The following XPO6 variants were observed in gnomAD, a reference collection of about 807,000 sequenced individuals.
XPO6 encodes the protein exportin 6.
In XPO6, 3 loss-of-function variants were observed where a neutral mutation model predicts 130.0. The ratio of observed to expected loss-of-function variants is 0.02; its 90% CI spans 0.01 to 0.06. The LOEUF (loss-of-function observed/expected upper bound fraction) is 0.06, where lower values mean the gene tolerates loss of function less well. Ranked by LOEUF, XPO6 falls within the 10% of genes least tolerant of loss-of-function variation. The pLI, the probability that XPO6 is intolerant of heterozygous loss-of-function variation, is 1.00. For missense variants in XPO6, 970 were observed against 1,393.0 expected (o/e 0.70, Z 4.83); for synonymous variants, 524 against 548.9 (o/e 0.95, Z 0.63).
intron 18 of XPO6, 22 bp downstream of exon 18, chr16:28,107,500 G>C: frequency 8.1e-6 from 13 of 1,613,416 alleles, no homozygotes; most frequent in Non-Finnish European, 1.1e-5. Flanking sequence ...CCCACCAGTG[G>C]GGCCTCTGGG....
intron 4 of XPO6, among the ~76,000 whole-genome samples, chr16:28,174,167 C>T (rs1037644897): frequency 6.6e-6 from 1 of 152,074 alleles, no homozygotes; most frequent in African/African-American, 2.4e-5. Context: ...CACCTCGTGT[C>T]CCCCCAGTCC....
chr16:28,201,836 C>T (rs933702130), intron 1 of XPO6, among the ~76,000 whole-genome samples: 3 of 152,172 alleles, frequency 2.0e-5, no homozygotes, highest in African/African-American at 7.2e-5. Context: ...GCCTGGGCGA[C>T]AAAGCGAGAC....
intron 6 of XPO6, among the ~76,000 whole-genome samples, chr16:28,158,247 G>A (rs1465886211): frequency 1.3e-5 from 2 of 152,154 alleles, no homozygotes; most frequent in Non-Finnish European, 2.9e-5. Flanking sequence ...ACGGGGAAGG[G>A]AGTCCACAAA....
chr16:28,211,478 T>A lies in XPO6; in HGVS notation c.-110A>T. ...GCAGACTCGGGAAGTCCCCCACCCA[T>A]GCAAAGACAACCCCTTCCCCACCGG... On this transcript the variant is annotated 5_prime_UTR_variant, in exon 1 of 24. The change abolishes an upstream ATG in the 5' untranslated region. Transcript: ENST00000304658. The A allele has an allele frequency of 8.1e-7, 1 of 1,229,936 alleles. No individual in the cohort carries two copies. The allele number at this position is 1,229,936 out of a possible 1,614,324, so 76.2% of individuals were successfully genotyped here. A position where few individuals can be genotyped will look rare whatever the true frequency, so the allele number is the denominator to read the frequency against.
rs962396363 is a variant in XPO6, at chr16:28,211,932, C to A, written c.-564G>T. On this transcript the variant is annotated 5_prime_UTR_variant, in exon 1 of 24. Coordinates refer to ENST00000304658, the MANE Select transcript of XPO6 (RefSeq NM_015171.4). ...GAGCCGCCCGCTAGTACCGCGCGGC[C>A]GCCCCCGACCAACAGCCCCAACGCG... 6.6e-6 allele frequency: 1 copy of A among 152,640 alleles called. No individual in the cohort carries two copies. The highest frequency in any genetic ancestry group is 2.4e-5 in the African/African-American group (1 of 41,452). The allele number at this position is 152,640 out of a possible 1,614,324, so 9.5% of individuals were successfully genotyped here. A position where few individuals can be genotyped will look rare whatever the true frequency, so the allele number is the denominator to read the frequency against.
At chr16:28,150,416 A>C (rs1026635989) in intron 8 of XPO6, among the ~76,000 whole-genome samples, 2 of 152,152 alleles carry the variant, frequency 1.3e-5, no homozygotes, top group Non-Finnish European at 2.9e-5. Flanking sequence ...CTACTGAAAG[A>C]ATCATAAAAA....
chr16:28,106,589 A>G lies in XPO6; in HGVS notation c.2498-92T>C. ...TCAACCTACTCCTGAAATCTGCACT[A>G]TCAGCTTTCTCTACAGCTTCCTGCT... On this transcript the variant is annotated intron_variant, in intron 18 of 23. Coordinates refer to ENST00000304658, the MANE Select transcript of XPO6 (RefSeq NM_015171.4). This position sits in a 1 kb window ranked among gnomAD's most constrained non-coding sequence, Gnocchi z 4.2. 2 of 963,452 alleles carry G rather than the reference A, an allele frequency of 2.1e-6. No individual in the cohort carries two copies. The highest frequency in any genetic ancestry group is 1.4e-5 in the South Asian group (1 of 73,934). The allele number at this position is 963,452 out of a possible 1,614,324, so 59.7% of individuals were successfully genotyped here. A position where few individuals can be genotyped will look rare whatever the true frequency, so the allele number is the denominator to read the frequency against.
chr16:28,124,202 C>T (rs1263056006), intron 13 of XPO6, among the ~76,000 whole-genome samples: 9 of 151,972 alleles, frequency 5.9e-5, no homozygotes. Context: ...GGATTACAGG[C>T]GCATGTCCCC....
chr16:28,211,546 G>A lies in XPO6; in HGVS notation c.-178C>T. Reference sequence around the variant, plus strand: ...TAAAAAGGGCAGGGCCGCCCGGGTCGCCTCATCGGGGGACCCCGAGACAAT... The same window carrying A: ...TAAAAAGGGCAGGGCCGCCCGGGTCACCTCATCGGGGGACCCCGAGACAAT... On this transcript the variant is annotated 5_prime_UTR_variant, in exon 1 of 24. It introduces an in-frame stop codon into an upstream open reading frame of the 5' UTR. Coordinates refer to ENST00000304658, the MANE Select transcript of XPO6 (RefSeq NM_015171.4). The A allele has an allele frequency of 5.4e-6, 3 of 557,352 alleles. No homozygotes were observed. The highest frequency in any genetic ancestry group is 8.4e-6 in the Non-Finnish European group (3 of 358,586). The allele number at this position is 557,352 out of a possible 1,614,324, so 34.5% of individuals were successfully genotyped here.
intron 1 of XPO6, among the ~76,000 whole-genome samples, chr16:28,193,591 G>A (rs898304493): frequency 6.6e-6 from 1 of 152,200 alleles, no homozygotes; most frequent in Admixed American, 6.5e-5. Flanking sequence ...GCAAAACAGT[G>A]GTAGTGGTGA....
At chr16:28,180,403 T>C (rs959932882) in intron 2 of XPO6, among the ~76,000 whole-genome samples, 2 of 152,104 alleles carry the variant, frequency 1.3e-5, no homozygotes, top group African/African-American at 4.8e-5. Context: ...GACAGGATCT[T>C]ACATTGCCCA....
chr16:28,110,568 C>A (rs2285619), intron 17 of XPO6, among the ~76,000 whole-genome samples: 8,799 of 152,230 alleles, frequency 0.058, 634 homozygotes, highest in East Asian at 0.17. Flanking sequence ...TGAGCATATC[C>A]TCGCCCATGC....
At chr16:28,172,367 C>T (rs1340490954) in intron 4 of XPO6, among the ~76,000 whole-genome samples, 3 of 152,144 alleles carry the variant, frequency 2.0e-5, no homozygotes, top group African/African-American at 2.4e-5. Flanking sequence ...GCGTGAACTT[C>T]TGAAAAGGTT....
At chr16:28,201,087 G>A (rs1451758953) in intron 1 of XPO6, among the ~76,000 whole-genome samples, 2 of 151,990 alleles carry the variant, frequency 1.3e-5, no homozygotes, top group African/African-American at 2.4e-5. Context: ...TCTCCCAGTA[G>A]CAATTAGCTT....
At chr16:28,199,094 C>T (rs2043913493) in intron 1 of XPO6, among the ~76,000 whole-genome samples, 3 of 151,988 alleles carry the variant, frequency 2.0e-5, no homozygotes, top group Non-Finnish European at 2.9e-5. Flanking sequence ...GAGCTGAGAT[C>T]GTGCCATTGC....
At chr16:28,121,029 G>A (rs1030637358) in intron 14 of XPO6, among the ~76,000 whole-genome samples, 2 of 152,258 alleles carry the variant, frequency 1.3e-5, no homozygotes, top group Non-Finnish European at 2.9e-5. Context: ...TCTGGGCAGT[G>A]AAATCTCTGG....
chr16:28,154,838 A>ATT (rs61132542), intron 7 of XPO6, among the ~76,000 whole-genome samples: 8,895 of 152,218 alleles, frequency 0.058, 643 homozygotes, highest in East Asian at 0.17. Flanking sequence ...ATGAAGAGAT[A>ATT]GACATGAGAC....
chr16:28,099,159 CCCT>C (rs1282149834), intron 23 of XPO6, among the ~76,000 whole-genome samples: 1 of 152,204 alleles, frequency 6.6e-6, no homozygotes, highest in Non-Finnish European at 1.5e-5. Context: ...CCGCCCCTGC[CCCT>C]CGAGAGCCAC....
At chr16:28,205,478 A>C (rs561735024) in intron 1 of XPO6, among the ~76,000 whole-genome samples, 2 of 152,026 alleles carry the variant, frequency 1.3e-5, no homozygotes, top group African/African-American at 2.4e-5. Flanking sequence ...TTCTCAGCCA[A>C]TCTCTCTCAG....
Sources: gnomAD v4.1 joint callset for allele counts (sites outside exome capture counted in the v4.1 genomes callset) on GRCh38, gnomAD v4.1.1 for gene constraint, Gnocchi (gnomAD v3.1) non-coding constraint, MANE v1.5 for transcripts, NCBI Gene and HGNC (gene_info 2026-07-23, HGNC 2026-07-21) for gene names.